PRKCB: variants seen among roughly 807,000 people sequenced by gnomAD.
PRKCB encodes protein kinase C beta type.
PRKCB carries 13 observed loss-of-function variants against 81.5 expected under a neutral mutation model. The ratio of observed to expected loss-of-function variants is 0.16; its 90% CI spans 0.10 to 0.25. PRKCB has a LOEUF of 0.25. PRKCB is among the 10% of genes least tolerant of loss of function. The probability of loss-of-function intolerance (pLI) is 1.00; values close to 1 mark genes in which losing one functional copy is unlikely to be tolerated. For missense variants in PRKCB, 509 were observed against 875.7 expected, an observed-to-expected ratio of 0.58 and a Z score of 5.29; for synonymous variants, 335 against 321.4, an observed-to-expected ratio of 1.04 and a Z score of -0.45.
chr16:24,093,622 C>G (rs1966403802), intron 6 of PRKCB, among the ~76,000 whole-genome samples: 1 of 152,206 alleles, frequency 6.6e-6, no homozygotes, highest in South Asian at 2.1e-4. Context: ...TTCTGGCAGT[C>G]TGACTTTAGC....
At chr16:24,007,602 T>C (rs952292803) in intron 3 of PRKCB, among the ~76,000 whole-genome samples, 1 of 152,178 alleles carries the variant, frequency 6.6e-6, no homozygotes, top group African/African-American at 2.4e-5. Flanking sequence ...AGCTGCATGC[T>C]GTGGAGGAAG....
chr16:23,888,344 C>T (rs961479182), intron 2 of PRKCB, among the ~76,000 whole-genome samples: 1 of 152,164 alleles, frequency 6.6e-6, no homozygotes, highest in East Asian at 1.9e-4. Flanking sequence ...TCTGAGTGGG[C>T]CTATTGGCTC....
chr16:24,194,693 T>C (rs1967853166), intron 16 of PRKCB, among the ~76,000 whole-genome samples: 1 of 152,198 alleles, frequency 6.6e-6, no homozygotes, highest in Non-Finnish European at 1.5e-5. Context: ...TATAAAAAGA[T>C]TACAATACTT....
intron 9 of PRKCB, among the ~76,000 whole-genome samples, chr16:24,133,650 C>T (rs1966856889): frequency 6.6e-6 from 1 of 152,216 alleles, no homozygotes. Context: ...TTTCTGAGCT[C>T]ATGCTCATTG....
At chr16:24,195,392 GC>G (rs1967863834) in intron 16 of PRKCB, among the ~76,000 whole-genome samples, 1 of 152,100 alleles carries the variant, frequency 6.6e-6, no homozygotes, top group Non-Finnish European at 1.5e-5. Flanking sequence ...AGTTCCATGT[GC>G]CTTGTGGGAT....
rs1296427165 is a variant in PRKCB, at chr16:24,041,507, TAAAGA to T, written c.529+5963_529+5967del. Among the ~76,000 whole-genome samples, 6 of 151,536 alleles carry T rather than the reference TAAAGA, an allele frequency of 4.0e-5. No individual in the cohort carries two copies. The East Asian group carries it at 1.2e-3, about 29-fold the overall frequency. ...ATCTCCCAAAAGTTGGGAGTGTTCT[TAAAGA>T]AAGCAGAAAGAACCTTTTTTTTTTT... On this transcript the variant is annotated intron_variant, in intron 5 of 16. Coordinates refer to ENST00000643927, the MANE Select transcript of PRKCB (RefSeq NM_002738.7).
chr16:23,953,338 A>G (rs2141781142), intron 2 of PRKCB, among the ~76,000 whole-genome samples: 1 of 152,284 alleles, frequency 6.6e-6, no homozygotes, highest in South Asian at 2.1e-4. Flanking sequence ...TCTCTTGAAA[A>G]TGTGCACAAT....
rs545137169 is a variant in PRKCB, at chr16:23,897,693, C to T, written c.205+60287C>T. On this transcript the variant is annotated intron_variant, in intron 2 of 16. Transcript: ENST00000643927. Reference sequence around the variant, plus strand: ...GTGATTTGACTCTAACCTCCAAGAACCTTACTGTCTTTAGCTGTGAAATGC... The same window carrying T: ...GTGATTTGACTCTAACCTCCAAGAATCTTACTGTCTTTAGCTGTGAAATGC... Among the ~76,000 whole-genome samples the T allele has an allele frequency of 9.2e-5, 14 of 152,252 alleles. No homozygotes were observed. The South Asian group carries it at 2.3e-3, about 25-fold the overall frequency.
intron 2 of PRKCB, among the ~76,000 whole-genome samples, chr16:23,852,696 A>G (rs940471738): frequency 6.6e-6 from 1 of 152,216 alleles, no homozygotes; most frequent in Non-Finnish European, 1.5e-5. Flanking sequence ...ATCAAGAAAC[A>G]GAACATGCTG....
At chr16:24,020,978 T>TTCTTTCTC (rs1491070860) in intron 3 of PRKCB, among the ~76,000 whole-genome samples, 5 of 85,536 alleles carry the variant, frequency 5.8e-5, no homozygotes, top group African/African-American at 2.6e-4. Context: ...ACTTTTCTTT[T>TTCTTTCTC]TCTTTCTTTC....
intron 2 of PRKCB, among the ~76,000 whole-genome samples, chr16:23,880,366 C>G (rs1430966937): frequency 6.6e-6 from 1 of 152,148 alleles, no homozygotes; most frequent in Non-Finnish European, 1.5e-5. Context: ...GTGAACATTG[C>G]TTCCTGCCTC....
intron 5 of PRKCB, among the ~76,000 whole-genome samples, chr16:24,045,153 G>A (rs1965748596): frequency 6.6e-6 from 1 of 151,860 alleles, no homozygotes; most frequent in South Asian, 2.1e-4. Context: ...TAGGAAAAAT[G>A]AACAGAAATA....
chr16:23,912,135 C>T (rs979578788), intron 2 of PRKCB, among the ~76,000 whole-genome samples: 2 of 152,126 alleles, frequency 1.3e-5, no homozygotes, highest in South Asian at 2.1e-4. Flanking sequence ...CCTAACTGCG[C>T]CACCCCTTTA....
At chr16:23,840,461 G>A (rs1367704684) in intron 2 of PRKCB, among the ~76,000 whole-genome samples, 1 of 152,084 alleles carries the variant, frequency 6.6e-6, no homozygotes, top group Non-Finnish European at 1.5e-5. Context: ...GCACATGCTC[G>A]GTGTCACTTG....
At chr16:24,094,552 G>C (rs1432124838) in intron 7 of PRKCB, among the ~76,000 whole-genome samples, 1 of 152,166 alleles carries the variant, frequency 6.6e-6, no homozygotes, top group Non-Finnish European at 1.5e-5. Context: ...GATCACTTGA[G>C]CTCAGGAGTT....
chr16:24,110,532 T>TTTTTTTTGG, intron 7 of PRKCB, among the ~76,000 whole-genome samples: 1 of 143,832 alleles, frequency 7.0e-6, no homozygotes, highest in Non-Finnish European at 1.5e-5. Flanking sequence ...TTTTTTTTTT[T>TTTTTTTTGG]GAGAGACAGG....
At chr16:23,872,157 A>G (rs11646426) in intron 2 of PRKCB, among the ~76,000 whole-genome samples, 30,093 of 152,114 alleles carry the variant, frequency 0.2, 3,230 homozygotes, top group East Asian at 0.33. Flanking sequence ...TTGCTGGCCA[A>G]CTTAGCAGGA....
intron 12 of PRKCB, among the ~76,000 whole-genome samples, chr16:24,179,842 C>A (rs1449427332): frequency 6.6e-6 from 1 of 152,154 alleles, no homozygotes; most frequent in South Asian, 2.1e-4. Flanking sequence ...ATCTTTTTCC[C>A]AGCACTGAAA....
At chr16:24,026,912 T>A (rs568404624) in intron 3 of PRKCB, among the ~76,000 whole-genome samples, 1 of 152,306 alleles carries the variant, frequency 6.6e-6, no homozygotes, top group South Asian at 2.1e-4. Context: ...TCCAATTAAA[T>A]CAACTCTGCC....
Sources: allele counts gnomAD v4.1 joint callset (sites outside exome capture counted in the v4.1 genomes callset), GRCh38; gene constraint gnomAD v4.1.1; transcripts MANE v1.5; gene names NCBI Gene and HGNC (gene_info 2026-07-23, HGNC 2026-07-21).